PTPRD: variants seen among roughly 807,000 people sequenced by gnomAD.
The protein encoded by PTPRD is protein tyrosine phosphatase receptor type D, also known as receptor-type tyrosine-protein phosphatase delta.
PTPRD carries 34 observed loss-of-function variants against 214.5 expected under a neutral mutation model. The ratio of observed to expected loss-of-function variants is 0.16; its 90% CI spans 0.12 to 0.21. PTPRD has a LOEUF of 0.21. Ranked by LOEUF, PTPRD falls within the 10% of genes least tolerant of loss-of-function variation. The pLI, the probability that PTPRD is intolerant of heterozygous loss-of-function variation, is 1.00. For synonymous variants in PTPRD, 1,128 were observed against 845.7 expected, an observed-to-expected ratio of 1.33 and a Z score of -5.79; for missense variants, 2,545 against 2,398.7, an observed-to-expected ratio of 1.06 and a Z score of -1.27.
chr9:10,339,510 T>A (rs1193249519), intron 3 of PTPRD, among the ~76,000 whole-genome samples: 1 of 151,674 alleles, frequency 6.6e-6, no homozygotes, highest in Non-Finnish European at 1.5e-5. Context: ...GATTCCAGGA[T>A]AATAAAAAGC....
chr9:8,782,056 T>G (rs1034281788), intron 11 of PTPRD, among the ~76,000 whole-genome samples: 4 of 146,450 alleles, frequency 2.7e-5, no homozygotes, highest in African/African-American at 1.1e-4. Flanking sequence ...CATAATGTTT[T>G]ACGTTTATGG....
At chr9:10,505,502 A>T (rs1056144902) in intron 2 of PTPRD, among the ~76,000 whole-genome samples, 1 of 152,180 alleles carries the variant, frequency 6.6e-6, no homozygotes, top group Non-Finnish European at 1.5e-5. Context: ...TCACCTGTCA[A>T]CAGTGGGTAA....
rs138053676 is a variant in PTPRD at position 8,670,560 on chromosome 9, G to A, written c.65-33716C>T. Among the ~76,000 whole-genome samples, 192 of 152,266 alleles carry A rather than the reference G, an allele frequency of 1.3e-3. 1 individual carries two copies. Among genetic ancestry groups the A allele is most frequent in the African/African-American group, 4.4e-3 (181 of 41,554 alleles). On this transcript the variant is annotated intron_variant, in intron 12 of 45. Transcript: ENST00000381196. ...TCTGCTTCACAACAGTAACCACTAT[G>A]CTATCTATATGTTTCTATATATCTA...
At chr9:9,758,910 C>T (rs189736553) in intron 6 of PTPRD, among the ~76,000 whole-genome samples, 3 of 152,014 alleles carry the variant, frequency 2.0e-5, no homozygotes, top group Admixed American at 1.3e-4. Context: ...ACTTTAATAA[C>T]AAAAAGTGAC....
chr9:8,491,003 G>T (rs1355754741), intron 27 of PTPRD, among the ~76,000 whole-genome samples: 1 of 152,186 alleles, frequency 6.6e-6, no homozygotes, highest in African/African-American at 2.4e-5. Flanking sequence ...TAATACAGTA[G>T]ACAAAACAAA....
At chr9:8,695,124 C>T (rs903070161) in intron 12 of PTPRD, among the ~76,000 whole-genome samples, 88 of 152,210 alleles carry the variant, frequency 5.8e-4, no homozygotes, top group African/African-American at 2.0e-3. Context: ...AGACTGGTTC[C>T]TCTCATGATC....
chr9:9,693,906 T>C (rs922742304), intron 7 of PTPRD, among the ~76,000 whole-genome samples: 4 of 152,224 alleles, frequency 2.6e-5, no homozygotes, highest in Admixed American at 1.3e-4. Flanking sequence ...CTTCATCATG[T>C]CAATTGCATA....
At chr9:10,177,452 A>G (rs1236616914) in intron 3 of PTPRD, among the ~76,000 whole-genome samples, 1 of 122,940 alleles carries the variant, frequency 8.1e-6, no homozygotes, top group Non-Finnish European at 2.0e-5. Context: ...AATGTTGTAA[A>G]AAAAAAAAAA....
chr9:9,499,291 G>T (rs1051276003), intron 8 of PTPRD, among the ~76,000 whole-genome samples: 1 of 152,054 alleles, frequency 6.6e-6, no homozygotes, highest in Non-Finnish European at 1.5e-5. Context: ...TGAAAAGACT[G>T]CTAAAATATA....
intron 10 of PTPRD, among the ~76,000 whole-genome samples, chr9:9,100,374 G>A (rs1469850457): frequency 6.6e-6 from 1 of 152,090 alleles, no homozygotes; most frequent in East Asian, 1.9e-4. Flanking sequence ...TGATTTCTGA[G>A]AAGTGCTTTG....
chr9:9,819,769 C>A (rs2761756), intron 5 of PTPRD, among the ~76,000 whole-genome samples: 1 of 151,898 alleles, frequency 6.6e-6, no homozygotes, highest in East Asian at 1.9e-4. Flanking sequence ...GTTCCTGCAC[C>A]AATTTGCTTA....
At chr9:9,971,951 G>A (rs1366520456) in intron 4 of PTPRD, among the ~76,000 whole-genome samples, 1 of 151,916 alleles carries the variant, frequency 6.6e-6, no homozygotes, top group Admixed American at 6.6e-5. Context: ...TTCAGCTTTA[G>A]TGACAAAATT....
At chr9:8,785,083 C>G (rs1016139467) in intron 11 of PTPRD, among the ~76,000 whole-genome samples, 1 of 152,142 alleles carries the variant, frequency 6.6e-6, no homozygotes, top group African/African-American at 2.4e-5. Context: ...AGCTGGGCTC[C>G]TTATGAAGCT....
In PTPRD at chr9:10,491,110, G is replaced by C. The variant is rs60596258; in HGVS notation, c.-600+121288C>G. Among the ~76,000 whole-genome samples, 904 of 152,234 alleles carry C rather than the reference G, an allele frequency of 5.9e-3. 6 individuals carry two copies. Among genetic ancestry groups the C allele is most frequent in the African/African-American group, 0.021 (871 of 41,546 alleles). On this transcript the variant is annotated intron_variant, in intron 2 of 45. Transcript: ENST00000381196. The stretch of plus-strand genomic sequence containing the variant: ...CTTGTTCACAGTTATATACCTGGCC[G>C]CTATAAGCATATCCAGGATATCCTG...
intron 2 of PTPRD, among the ~76,000 whole-genome samples, chr9:10,601,082 T>G (rs904843483): frequency 1.3e-5 from 2 of 151,786 alleles, no homozygotes; most frequent in African/African-American, 4.8e-5. Context: ...GAAGATTCCT[T>G]GATGTCACAC....
chr9:9,593,098 C>CAG (rs1170397123), intron 7 of PTPRD, among the ~76,000 whole-genome samples: 1 of 125,258 alleles, frequency 8.0e-6, no homozygotes, highest in Non-Finnish European at 1.7e-5. Context: ...GGAAGAAAGA[C>CAG]AGAGAGAGAG....
intron 11 of PTPRD, among the ~76,000 whole-genome samples, chr9:8,805,645 C>G (rs2096661597): frequency 6.6e-6 from 1 of 151,068 alleles, no homozygotes; most frequent in African/African-American, 2.4e-5. Flanking sequence ...TCTTGTTGCC[C>G]AGGCTGGAGT....
chr9:9,365,350 G>A (rs1399692977), intron 9 of PTPRD, among the ~76,000 whole-genome samples: 1 of 151,460 alleles, frequency 6.6e-6, no homozygotes. Flanking sequence ...GTTGGTATTA[G>A]CCTTAATAGA....
chr9:8,470,620 G>C (rs2096634257), intron 31 of PTPRD, among the ~76,000 whole-genome samples: 1 of 152,184 alleles, frequency 6.6e-6, no homozygotes, highest in African/African-American at 2.4e-5. Context: ...GTTTGTGACA[G>C]CCTCAGCAAC....
Sources: allele counts gnomAD v4.1 joint callset (sites outside exome capture counted in the v4.1 genomes callset), GRCh38; gene constraint gnomAD v4.1.1; transcripts MANE v1.5; gene names NCBI Gene and HGNC (gene_info 2026-07-23, HGNC 2026-07-21).